Variants in TANC1 observed in about 807,000 individuals in gnomAD.
TANC1 encodes tetratricopeptide repeat, ankyrin repeat and coiled-coil containing 1.
A neutral mutation model predicts 149.7 loss-of-function variants in TANC1; 77 were observed. That is an observed-to-expected ratio of 0.51 (90% CI 0.43 to 0.62). The LOEUF (loss-of-function observed/expected upper bound fraction) is 0.62, where lower values mean the gene tolerates loss of function less well. Among genes scored for constraint, TANC1 ranks in the 20% least tolerant of loss-of-function variants. The pLI is 0.00. For synonymous variants in TANC1, 854 were observed against 925.0 expected, an observed-to-expected ratio of 0.92 and a Z score of 1.39; for missense variants, 1,985 against 2,321.8, an observed-to-expected ratio of 0.85 and a Z score of 2.98.
intron 16 of TANC1, among the ~76,000 whole-genome samples, 195 bp downstream of exon 16, chr2:159,187,219 C>A (rs759422178): frequency 2.0e-5 from 3 of 152,182 alleles, no homozygotes; most frequent in Non-Finnish European, 4.4e-5. Context: ...TTTTCTTTGG[C>A]AGGAAGATGT....
At position 159,175,055 on chromosome 2, in the gene TANC1, GCC is replaced by G; in HGVS notation, c.1607_1608del (p.Ala536GlyfsTer43). 6.2e-7 allele frequency: 1 copy of G among 1,614,200 alleles called. No homozygotes were observed. The highest frequency in any genetic ancestry group is 8.5e-7 in the Non-Finnish European group (1 of 1,180,024). ...TTTGCTCTGCCGGTCCCATCAGCTG[GCC>G]GCCTACAGAGACCTTCTGATAAAGG... Reference protein sequence around the residue: ...AALLCRSHQLAAYRDLLIKEP... With the variant: ...AALLCRSHQLXAYRDLLIKEP... On this transcript the variant is annotated frameshift_variant, in exon 12 of 27. Coordinates refer to ENST00000263635, the MANE Select transcript of TANC1 (RefSeq NM_033394.3). LOFTEE classifies it high-confidence loss of function.
At chr2:159,185,720 G>A in intron 14 of TANC1, 71 bp from the exon 15 acceptor site, 1 of 1,002,670 alleles carries the variant, frequency 1.0e-6, no homozygotes, top group Non-Finnish European at 1.5e-6. Flanking sequence ...AATGGGTGGT[G>A]AATTGAGGGT....
chr2:159,110,607 AC>A (rs1277940593), intron 4 of TANC1, among the ~76,000 whole-genome samples: 1 of 152,170 alleles, frequency 6.6e-6, no homozygotes. Context: ...GTGCCATGGC[AC>A]CCAGCCTTCT....
At chr2:159,039,907 G>C (rs957085016) in intron 2 of TANC1, among the ~76,000 whole-genome samples, 2 of 152,170 alleles carry the variant, frequency 1.3e-5, no homozygotes, top group East Asian at 3.8e-4. Flanking sequence ...GGCTATCCTT[G>C]TTAACCTTCT....
intron 1 of TANC1, among the ~76,000 whole-genome samples, chr2:158,996,264 G>A (rs536059340): frequency 7.0e-4 from 106 of 152,302 alleles, no homozygotes; most frequent in African/African-American, 2.4e-3. Context: ...TGAGGCTGAG[G>A]TGGAAGGATC....
intron 1 of TANC1, among the ~76,000 whole-genome samples, chr2:158,995,930 A>G (rs1407150053): frequency 6.6e-6 from 1 of 152,258 alleles, no homozygotes; most frequent in African/African-American, 2.4e-5. Context: ...TGCCTGGTCC[A>G]CAGAAACTGA....
At chr2:158,972,437 G>A (rs761169392) in intron 1 of TANC1, among the ~76,000 whole-genome samples, 35 of 152,044 alleles carry the variant, frequency 2.3e-4, no homozygotes, top group Non-Finnish European at 3.8e-4. Context: ...TATGCTGTTG[G>A]GTTGATGGTA....
intron 5 of TANC1, chr2:159,147,753 A>C (rs1574961423): frequency 6.6e-6 from 1 of 152,264 alleles, no homozygotes; most frequent in African/African-American, 2.4e-5. Context: ...CAGCTAAAAA[A>C]CATCCAAGCT....
intron 19 of TANC1, among the ~76,000 whole-genome samples, chr2:159,206,764 G>A (rs2058633853): frequency 6.6e-6 from 1 of 152,120 alleles, no homozygotes; most frequent in Non-Finnish European, 1.5e-5. Context: ...TGCTTTTGTG[G>A]AAATGCCCCC....
At chr2:159,109,249 C>T (rs1036130365) in intron 4 of TANC1, among the ~76,000 whole-genome samples, 9 of 152,164 alleles carry the variant, frequency 5.9e-5, no homozygotes, top group African/African-American at 4.8e-5. Flanking sequence ...GGCAGGTGGA[C>T]GCAGCTGGAT....
chr2:158,999,734 G>T (rs776162678), intron 1 of TANC1, among the ~76,000 whole-genome samples: 1 of 152,206 alleles, frequency 6.6e-6, no homozygotes, highest in African/African-American at 2.4e-5. Flanking sequence ...AGTGGCTGAT[G>T]ATGAGTCAAT....
At chr2:159,003,673 C>G (rs895390055) in intron 2 of TANC1, among the ~76,000 whole-genome samples, 1 of 152,186 alleles carries the variant, frequency 6.6e-6, no homozygotes, top group Non-Finnish European at 1.5e-5. Context: ...TGTGCGCTCC[C>G]GGGATAGGCT....
chr2:159,147,181 C>T (rs1449636609), intron 5 of TANC1, among the ~76,000 whole-genome samples: 1 of 152,194 alleles, frequency 6.6e-6, no homozygotes, highest in East Asian at 1.9e-4. Flanking sequence ...AAATGGGAGT[C>T]ATTTCTGGCT....
intron 19 of TANC1, among the ~76,000 whole-genome samples, chr2:159,215,859 A>G (rs2059308276): frequency 6.6e-6 from 1 of 152,132 alleles, no homozygotes; most frequent in South Asian, 2.1e-4. Flanking sequence ...ATTCTTGTAG[A>G]CATGTAGTGT....
intron 19 of TANC1, among the ~76,000 whole-genome samples, chr2:159,200,691 G>A (rs1283879825): frequency 1.3e-5 from 2 of 152,148 alleles, no homozygotes; most frequent in African/African-American, 4.8e-5. Flanking sequence ...TCTTTATCTA[G>A]ATCAGAATTC....
intron 14 of TANC1, among the ~76,000 whole-genome samples, chr2:159,184,113 T>C (rs909709525): frequency 1.3e-5 from 2 of 152,246 alleles, no homozygotes; most frequent in Non-Finnish European, 2.9e-5. Flanking sequence ...ATAAGTCGCT[T>C]AACCTGTTCA....
chr2:159,054,226 T>A (rs1175445817), intron 2 of TANC1, among the ~76,000 whole-genome samples: 2 of 152,224 alleles, frequency 1.3e-5, no homozygotes, highest in Non-Finnish European at 2.9e-5. Context: ...CTGAGTTGTG[T>A]GACCCTGGGC....
intron 5 of TANC1, among the ~76,000 whole-genome samples, chr2:159,139,182 G>A (rs1412513128): frequency 6.6e-6 from 1 of 152,094 alleles, no homozygotes; most frequent in Non-Finnish European, 1.5e-5. Context: ...AGCCTGAGCA[G>A]CATAGTGAGA....
At chr2:159,224,204 G>A in intron 22 of TANC1, 28 bp from the exon 23 acceptor site, 1 of 1,613,334 alleles carries the variant, frequency 6.2e-7, no homozygotes, top group Non-Finnish European at 8.5e-7. Context: ...GTTCCCAGCT[G>A]CTGCTTAGGC....
Sources: gnomAD v4.1 joint callset for allele counts (sites outside exome capture counted in the v4.1 genomes callset) on GRCh38, gnomAD v4.1.1 for gene constraint, MANE v1.5 for transcripts, NCBI Gene and HGNC (gene_info 2026-07-23, HGNC 2026-07-21) for gene names.